The following GSK3B variants were observed in gnomAD, a reference collection of about 807,000 sequenced individuals.
GSK3B encodes glycogen synthase kinase-3 beta.
Under a neutral mutation model 56.4 loss-of-function variants are expected in GSK3B, and 15 were observed. The ratio of observed to expected loss-of-function variants is 0.27; its 90% CI spans 0.18 to 0.41. The LOEUF (loss-of-function observed/expected upper bound fraction) is 0.41. Ranked by LOEUF, GSK3B falls within the 10% of genes least tolerant of loss-of-function variation. GSK3B has a pLI of 1.00. For missense variants in GSK3B, 300 were observed against 513.4 expected, an observed-to-expected ratio of 0.58 and a Z score of 4.02; for synonymous variants, 181 against 188.9, an observed-to-expected ratio of 0.96 and a Z score of 0.34.
At chr3:119,903,712 T>C (rs2056648875) in intron 7 of GSK3B, among the ~76,000 whole-genome samples, 1 of 152,184 alleles carries the variant, frequency 6.6e-6, no homozygotes, top group Admixed American at 6.5e-5. Context: ...GCATTATGTA[T>C]GAATTAAAAT....
chr3:120,014,664 C>A (rs1344439698), intron 1 of GSK3B, among the ~76,000 whole-genome samples: 3 of 152,104 alleles, frequency 2.0e-5, no homozygotes, highest in Admixed American at 1.3e-4. Context: ...AAGGTCTTTT[C>A]CCTTAGATAC....
At chr3:120,027,227 A>G (rs2057935835) in intron 1 of GSK3B, among the ~76,000 whole-genome samples, 2 of 150,592 alleles carry the variant, frequency 1.3e-5, no homozygotes, top group South Asian at 4.2e-4. Flanking sequence ...ATACCAAAAA[A>G]TTAGCCAGGT....
At position 119,822,266 on chromosome 3, in the gene GSK3B, TA is replaced by T. The variant is rs943377511; in HGVS notation, c.*4521del. The T allele has an allele frequency of 2.3e-5, 4 of 171,590 alleles. No individual in the cohort carries two copies. Among genetic ancestry groups the T allele is most frequent in the Non-Finnish European group, 3.7e-5 (3 of 81,150 alleles). 10.6% of individuals were successfully genotyped at this position (171,590 alleles called of 1,614,324 possible). ...CTTTATATATATATATATATATATA[TA>T]ATAAATTTTGTTTTTTAGGTTTGTT... On this transcript the variant is annotated 3_prime_UTR_variant, in exon 11 of 11. Coordinates refer to ENST00000264235, the MANE Select transcript of GSK3B (RefSeq NM_001146156.2).
chr3:120,059,039 A>G (rs188889916), intron 1 of GSK3B, among the ~76,000 whole-genome samples: 1 of 152,110 alleles, frequency 6.6e-6, no homozygotes, highest in East Asian at 1.9e-4. Flanking sequence ...ATGCATGTCA[A>G]GAGTGTAAGA....
At chr3:120,049,103 T>A (rs1198954708) in intron 1 of GSK3B, among the ~76,000 whole-genome samples, 1 of 152,228 alleles carries the variant, frequency 6.6e-6, no homozygotes. Context: ...TCTCTTCACT[T>A]TATCTACATG....
At chr3:120,029,364 T>C (rs2057956223) in intron 1 of GSK3B, 3 of 761,234 alleles carry the variant, frequency 3.9e-6, no homozygotes, top group African/African-American at 1.7e-5. Flanking sequence ...TTTTCCAATG[T>C]TGCTGTCAAC....
intron 2 of GSK3B, among the ~76,000 whole-genome samples, chr3:119,997,675 A>C (rs1374390226): frequency 6.6e-6 from 1 of 152,210 alleles, no homozygotes; most frequent in East Asian, 1.9e-4. Context: ...TTTTAAGAGA[A>C]AAAACAAGGA....
intron 4 of GSK3B, among the ~76,000 whole-genome samples, chr3:119,921,443 A>C (rs1402206170): frequency 6.6e-6 from 1 of 152,204 alleles, no homozygotes. Flanking sequence ...TCCTTCAGAA[A>C]GCACTCAATA....
intron 1 of GSK3B, among the ~76,000 whole-genome samples, chr3:120,032,025 G>A (rs1245844547): frequency 6.6e-6 from 1 of 152,156 alleles, no homozygotes; most frequent in South Asian, 2.1e-4. Flanking sequence ...ACACCTGAAA[G>A]TGGCAAAGTT....
intron 3 of GSK3B, among the ~76,000 whole-genome samples, chr3:119,924,005 A>G (rs939550636): frequency 9.9e-5 from 15 of 152,222 alleles, no homozygotes; most frequent in Non-Finnish European, 2.2e-4. Context: ...TAACCTACAC[A>G]CACACAAAAA....
At chr3:120,064,721 G>C (rs1192626271) in intron 1 of GSK3B, among the ~76,000 whole-genome samples, 3 of 152,090 alleles carry the variant, frequency 2.0e-5, no homozygotes, top group Non-Finnish European at 2.9e-5. Context: ...GAAAAAGAAC[G>C]AAGTTGGAGG....
intron 7 of GSK3B, among the ~76,000 whole-genome samples, chr3:119,891,325 G>A (rs2056499016): frequency 6.6e-6 from 1 of 151,930 alleles, no homozygotes; most frequent in South Asian, 2.1e-4. Flanking sequence ...TGATAGATAT[G>A]AAGAGCAAAG....
chr3:119,871,754 G>C (rs1055899442), intron 8 of GSK3B, among the ~76,000 whole-genome samples: 1 of 152,104 alleles, frequency 6.6e-6, no homozygotes, highest in Non-Finnish European at 1.5e-5. Context: ...GAACAACTAG[G>C]AGACAATCTG....
At chr3:119,994,493 A>G (rs1277784733) in intron 2 of GSK3B, among the ~76,000 whole-genome samples, 1 of 152,212 alleles carries the variant, frequency 6.6e-6, no homozygotes, top group Admixed American at 6.5e-5. Flanking sequence ...TTTCCTACAT[A>G]TTCCTTATAA....
rs71156781 is a variant in GSK3B at position 120,000,918 on chromosome 3, C to CTTTTTTTTTTTTTT, written c.282+1114_282+1127dup. Among the ~76,000 whole-genome samples the CTTTTTTTTTTTTTT allele has an allele frequency of 1.3e-4, 12 of 91,044 alleles. 1 individual carries two copies. Among genetic ancestry groups the CTTTTTTTTTTTTTT allele is most frequent in the African/African-American group, 5.2e-4 (12 of 23,298 alleles). 59.7% of individuals were successfully genotyped at this position (91,044 alleles called of 152,430 possible). On this transcript the variant is annotated intron_variant, in intron 2 of 10. Transcript: ENST00000264235. ...AAACCTCATGTTGAAATGTAATCTC[C>CTTTTTTTTTTTTTT]TTTTTTTTTTTTTTTTTTTTTTTTG...
At chr3:119,971,756 C>T (rs978323190) in intron 2 of GSK3B, among the ~76,000 whole-genome samples, 17 of 148,434 alleles carry the variant, frequency 1.1e-4, no homozygotes, top group Admixed American at 2.7e-4. Flanking sequence ...GGACTACAGG[C>T]GCCCGCCACT....
At chr3:119,904,399 G>C in intron 7 of GSK3B, among the ~76,000 whole-genome samples, 1 of 152,178 alleles carries the variant, frequency 6.6e-6, no homozygotes, top group Middle Eastern at 3.4e-3. Flanking sequence ...AGATTAGATA[G>C]GAAACTCAAA....
At chr3:119,844,537 G>A (rs1008723689) in intron 9 of GSK3B, among the ~76,000 whole-genome samples, 8 of 152,178 alleles carry the variant, frequency 5.3e-5, no homozygotes, top group Non-Finnish European at 1.2e-4. Context: ...TACCATCAGA[G>A]AATACTATAA....
chr3:119,939,564 T>C (rs1185189615), intron 3 of GSK3B, among the ~76,000 whole-genome samples: 3 of 152,134 alleles, frequency 2.0e-5, no homozygotes, highest in Admixed American at 1.3e-4. Context: ...TAATCTATGA[T>C]TTATCCCTGT....
Sources: gnomAD v4.1 joint callset for allele counts (sites outside exome capture counted in the v4.1 genomes callset) on GRCh38, gnomAD v4.1.1 for gene constraint, MANE v1.5 for transcripts, NCBI Gene and HGNC (gene_info 2026-07-23, HGNC 2026-07-21) for gene names.